Variants in ANKRD55 observed in about 807,000 individuals in gnomAD.
ANKRD55 encodes ankyrin repeat domain-containing protein 55.
Under a neutral mutation model 60.6 loss-of-function variants are expected in ANKRD55, and 41 were observed. That is an observed-to-expected ratio of 0.68 (90% CI 0.53 to 0.88). The LOEUF is 0.88. ANKRD55 is among the 40% of genes least tolerant of loss of function. The probability of loss-of-function intolerance (pLI) is 0.00; values close to 1 mark genes in which losing one functional copy is unlikely to be tolerated. For missense variants in ANKRD55, 732 were observed against 767.6 expected (o/e 0.95, Z 0.55); for synonymous variants, 264 against 290.3 (o/e 0.91, Z 0.92).
chr5:56,208,264 C>A (rs1386250063), intron 2 of ANKRD55, among the ~76,000 whole-genome samples: 1 of 151,418 alleles, frequency 6.6e-6, no homozygotes, highest in Non-Finnish European at 1.5e-5. Context: ...CCTGAGGGAC[C>A]TTCTTGTTCG....
intron 7 of ANKRD55, 40 bp downstream of exon 7, chr5:56,143,760 AC>A: frequency 1.2e-6 from 2 of 1,611,622 alleles, no homozygotes; most frequent in Non-Finnish European, 1.7e-6. Flanking sequence ...ACTGCTTTCC[AC>A]CATTTAAACC....
At chr5:56,208,032 T>G (rs1759556986) in intron 2 of ANKRD55, among the ~76,000 whole-genome samples, 1 of 152,220 alleles carries the variant, frequency 6.6e-6, no homozygotes, top group Non-Finnish European at 1.5e-5. Context: ...CTTTAAGTTT[T>G]TTTCTATTTT....
chr5:56,171,203 G>C (rs544874075), intron 4 of ANKRD55, among the ~76,000 whole-genome samples: 1 of 152,260 alleles, frequency 6.6e-6, no homozygotes, highest in East Asian at 1.9e-4. Flanking sequence ...CCCCCTCCCA[G>C]TGCCTAGCAG....
At chr5:56,159,926 A>G (rs1758284107) in intron 5 of ANKRD55, 33 bp from the exon 6 acceptor site, 3 of 1,597,796 alleles carry the variant, frequency 1.9e-6, no homozygotes, top group Non-Finnish European at 2.6e-6. Flanking sequence ...ATGGCTCAAA[A>G]TAACAGGCAG....
At chr5:56,110,480 G>T (rs990272343) in intron 10 of ANKRD55, 7 of 152,716 alleles carry the variant, frequency 4.6e-5, no homozygotes, top group African/African-American at 1.7e-4. Flanking sequence ...TCTAAAAATG[G>T]AGACATATAT....
At position 56,135,284 on chromosome 5, in the gene ANKRD55, C is replaced by CTTGCT. The variant is rs1561263917; in HGVS notation, c.613-8179_613-8178insAGCAA. ...CTTCTTTCCCTCCCTCCCTCCCTGC[C>CTTGCT]TGCCTGCTTGCTTTCTTTCTTTCTT... is the stretch of plus-strand genomic sequence containing the variant. On this transcript the variant is annotated intron_variant, in intron 7 of 11. Coordinates refer to ENST00000341048, the MANE Select transcript of ANKRD55 (RefSeq NM_024669.3). Among the ~76,000 whole-genome samples the CTTGCT allele has an allele frequency of 2.1e-3, 139 of 66,574 alleles. 4 individuals carry two copies. The highest frequency in any genetic ancestry group is 5.2e-3 in the African/African-American group (109 of 20,852). 43.7% of individuals were successfully genotyped at this position (66,574 alleles called of 152,430 possible).
At chr5:56,103,458 A>T (rs555241245) in intron 10 of ANKRD55, among the ~76,000 whole-genome samples, 1 of 152,344 alleles carries the variant, frequency 6.6e-6, no homozygotes, top group East Asian at 1.9e-4. Flanking sequence ...AATGTGATTT[A>T]AATCCATTTT....
intron 5 of ANKRD55, among the ~76,000 whole-genome samples, chr5:56,167,016 T>C (rs138116988): frequency 3.3e-5 from 5 of 152,380 alleles, no homozygotes; most frequent in African/African-American, 1.2e-4. Context: ...AACTCTGCCA[T>C]GGACCTAAAA....
intron 8 of ANKRD55, among the ~76,000 whole-genome samples, chr5:56,120,700 C>T (rs1177089809): frequency 6.6e-6 from 1 of 151,982 alleles, no homozygotes. Flanking sequence ...GAGATCGAGA[C>T]CATCCTGGCT....
intron 5 of ANKRD55, among the ~76,000 whole-genome samples, chr5:56,162,673 A>ATT (rs67231449): frequency 1.3e-5 from 2 of 148,330 alleles, no homozygotes; most frequent in African/African-American, 5.0e-5. Context: ...TTTTTGGTCA[A>ATT]TTTTTTTTTT....
chr5:56,226,672 G>T (rs1160239048), intron 2 of ANKRD55, among the ~76,000 whole-genome samples: 1 of 152,196 alleles, frequency 6.6e-6, no homozygotes, highest in East Asian at 1.9e-4. Flanking sequence ...CAAAAAGTGG[G>T]TGAAGGGTGT....
At position 56,102,533 on chromosome 5, in the gene ANKRD55, A is replaced by G. The variant is rs746513642; in HGVS notation, c.1684T>C (p.Phe562Leu). 11 of 1,613,766 alleles carry G rather than the reference A, an allele frequency of 6.8e-6. No homozygotes were observed. The Admixed American group carries it at 1.8e-4, about 27-fold the overall frequency. The stretch of plus-strand genomic sequence containing the variant: ...AGGGGAGCTAGGTTGTTCCGAGTGA[A>G]AGGAAGATCCCTGATTTTGTGTCTG... Reference protein sequence around the residue: ...PNRHKIRDLPFTRNNLAPLPD... With the variant: ...PNRHKIRDLPLTRNNLAPLPD... The change falls in exon 11 of 12, where the codon TTC becomes CTC. Residue 562 changes from phenylalanine (F) to leucine (L), a missense_variant. Coordinates refer to ENST00000341048, the MANE Select transcript of ANKRD55 (RefSeq NM_024669.3).
At chr5:56,158,361 C>T (rs1174785564) in intron 6 of ANKRD55, among the ~76,000 whole-genome samples, 1 of 152,156 alleles carries the variant, frequency 6.6e-6, no homozygotes, top group Non-Finnish European at 1.5e-5. Flanking sequence ...AAACCAAGCA[C>T]ATATTTACTT....
At chr5:56,103,929 A>G (rs1285781873) in intron 10 of ANKRD55, among the ~76,000 whole-genome samples, 1 of 152,238 alleles carries the variant, frequency 6.6e-6, no homozygotes, top group Non-Finnish European at 1.5e-5. Flanking sequence ...CGGCCACCTC[A>G]GCAATGTTAG....
chr5:56,166,090 C>CTTTCTTTCTTTCTTTCTTTCTTTCTT lies in ANKRD55; in HGVS notation c.422+4578_422+4603dup, dbSNP rs1561277570. Among the ~76,000 whole-genome samples the CTTTCTTTCTTTCTTTCTTTCTTTCTT allele has an allele frequency of 1.1e-4, 2 of 18,540 alleles. 1 individual carries two copies. The highest frequency in any genetic ancestry group is 2.9e-4 in the Non-Finnish European group (2 of 6,820). The allele number at this position is 18,540 out of a possible 152,430, so 12.2% of individuals were successfully genotyped here. ...CTTCAGGGATCTTTCTTTTCTTTTT[C>CTTTCTTTCTTTCTTTCTTTCTTTCTT]TTTCTTTCTTTCTTTCTTTCTTTCT... On this transcript the variant is annotated intron_variant, in intron 5 of 11. Coordinates refer to ENST00000341048, the MANE Select transcript of ANKRD55 (RefSeq NM_024669.3).
intron 2 of ANKRD55, among the ~76,000 whole-genome samples, chr5:56,219,273 C>CAAAAAAA (rs35909700): frequency 3.1e-5 from 3 of 97,026 alleles, no homozygotes; most frequent in Non-Finnish European, 4.3e-5. Context: ...ACTCTGCCTC[C>CAAAAAAA]AAAAAAAAAA....
chr5:56,208,182 A>C (rs1255462998), intron 2 of ANKRD55, among the ~76,000 whole-genome samples: 1 of 152,164 alleles, frequency 6.6e-6, no homozygotes, highest in Non-Finnish European at 1.5e-5. Flanking sequence ...TCCCACTGGA[A>C]GCTCTTCAGG....
chr5:56,220,793 A>T (rs1759940783), intron 2 of ANKRD55, among the ~76,000 whole-genome samples: 1 of 152,212 alleles, frequency 6.6e-6, no homozygotes, highest in African/African-American at 2.4e-5. Flanking sequence ...AGCCTGGGTG[A>T]CAGAGTGAGA....
intron 4 of ANKRD55, among the ~76,000 whole-genome samples, chr5:56,173,946 G>A (rs897875718): frequency 5.3e-5 from 8 of 152,162 alleles, no homozygotes; most frequent in African/African-American, 9.6e-5. Context: ...TAAGTGTCCC[G>A]TTTGCGACAT....
Sources: allele counts gnomAD v4.1 joint callset (sites outside exome capture counted in the v4.1 genomes callset), GRCh38; gene constraint gnomAD v4.1.1; transcripts MANE v1.5; gene names NCBI Gene and HGNC (gene_info 2026-07-23, HGNC 2026-07-21).